Variants in NUCKS1 observed in about 807,000 individuals in gnomAD.
NUCKS1 encodes the protein nuclear casein kinase and cyclin dependent kinase substrate 1, also known as nuclear ubiquitous casein and cyclin-dependent kinase substrate 1.
In NUCKS1, 2 loss-of-function variants were observed where a neutral mutation model predicts 33.0. The observed-to-expected ratio is 0.06, with a 90% CI of 0.02 to 0.19. The LOEUF is 0.19. Ranked by LOEUF, NUCKS1 falls within the 10% of genes least tolerant of loss-of-function variation. The pLI is 1.00. For synonymous variants in NUCKS1, 106 were observed against 102.8 expected, an observed-to-expected ratio of 1.03 and a Z score of -0.19; for missense variants, 201 against 293.6, an observed-to-expected ratio of 0.68 and a Z score of 2.31.
intron 3 of NUCKS1, among the ~76,000 whole-genome samples, chr1:205,724,361 T>A (rs942354557): frequency 1.3e-5 from 2 of 152,132 alleles, no homozygotes; most frequent in African/African-American, 2.4e-5. Flanking sequence ...GATCACTAAA[T>A]ATACACAAGA....
intron 1 of NUCKS1, among the ~76,000 whole-genome samples, chr1:205,735,037 T>C (rs565588058): frequency 3.8e-4 from 58 of 152,340 alleles, no homozygotes; most frequent in Middle Eastern, 3.4e-3. Flanking sequence ...GATGAATTTG[T>C]TCCTAATGAG....
rs967770307 is a variant in NUCKS1, at chr1:205,718,220, CTTTT to C, written c.*56_*59del. 6.8e-7 allele frequency: 1 copy of C among 1,475,546 alleles called. No homozygotes were observed. Among genetic ancestry groups the C allele is most frequent in the Non-Finnish European group, 9.1e-7 (1 of 1,104,754 alleles). The allele number at this position is 1,475,546 out of a possible 1,614,324, so 91.4% of individuals were successfully genotyped here. A position where few individuals can be genotyped will look rare whatever the true frequency, so the allele number is the denominator to read the frequency against. On this transcript the variant is annotated 3_prime_UTR_variant, in exon 7 of 7. Transcript: ENST00000367142. ...AAGTAGGTTCTTTTTTTTCCTCCCTCTTTTTTCTTTTTTTTTCTTTTTTTTTTTA... is the reference window on the plus strand; with the variant it reads ...AAGTAGGTTCTTTTTTTTCCTCCCTCTTCTTTTTTTTTCTTTTTTTTTTTA...
Position 205,714,703 on chromosome 1 carries a change from G to C in NUCKS1, c.*3577C>G, listed in dbSNP as rs1425179280. 1 of 152,036 alleles carries C rather than the reference G, an allele frequency of 6.6e-6. No individual in the cohort carries two copies. The highest frequency in any genetic ancestry group is 1.9e-4 in the East Asian group (1 of 5,194). 9.4% of individuals were successfully genotyped at this position (152,036 alleles called of 1,614,324 possible). On this transcript the variant is annotated 3_prime_UTR_variant, in exon 7 of 7. Coordinates refer to ENST00000367142, the MANE Select transcript of NUCKS1 (RefSeq NM_022731.5). Reference sequence around the variant, plus strand: ...GAAACAGACAATTTTCTAACCTCAAGAGCAACCAGCTTGTTACATTTTCCC... The same window carrying C: ...GAAACAGACAATTTTCTAACCTCAACAGCAACCAGCTTGTTACATTTTCCC...
chr1:205,740,356 C>T (rs1571586008), intron 1 of NUCKS1, among the ~76,000 whole-genome samples: 3 of 152,082 alleles, frequency 2.0e-5, no homozygotes. Flanking sequence ...TGGTAGCTCA[C>T]GCCTGTAATC....
chr1:205,725,246 T>G (rs745420628), intron 3 of NUCKS1, among the ~76,000 whole-genome samples: 15 of 152,196 alleles, frequency 9.9e-5, no homozygotes, highest in Non-Finnish European at 1.9e-4. Flanking sequence ...TATTCTTCAA[T>G]GCTACAATTT....
At chr1:205,734,670 G>C (rs986271804) in intron 1 of NUCKS1, among the ~76,000 whole-genome samples, 1 of 152,168 alleles carries the variant, frequency 6.6e-6, no homozygotes, top group African/African-American at 2.4e-5. Context: ...AAGGTGGGTG[G>C]ATCACCTGAA....
intron 3 of NUCKS1, 192 bp from the exon 4 acceptor site, chr1:205,724,173 G>A (rs754756567): frequency 2.4e-5 from 15 of 613,268 alleles, no homozygotes; most frequent in African/African-American, 9.3e-5. Flanking sequence ...TTTTATTTAC[G>A]TTACAAAACA....
chr1:205,718,338 G>A lies in NUCKS1; in HGVS notation c.674C>T (p.Pro225Leu), dbSNP rs201477504. The change falls in exon 7 of 7, where the codon CCA (proline) becomes CTA (leucine). Residue 225 changes from proline to leucine, a missense_variant. Transcript: ENST00000367142. ...PPEKKTSTSPPPEKSGDEGSE... is the reference protein window; with the variant it reads ...PPEKKTSTSPLPEKSGDEGSE... ...CCCTTCATCCCCAGATTTCTCGGGTGGGGGGCTTGTAGATGTTTTCTTTTC... is the reference window on the plus strand; with the variant it reads ...CCCTTCATCCCCAGATTTCTCGGGTAGGGGGCTTGTAGATGTTTTCTTTTC... 9 of 1,613,430 alleles carry A rather than the reference G, an allele frequency of 5.6e-6. No homozygotes were observed. Among genetic ancestry groups the A allele is most frequent in the South Asian group, 1.1e-5 (1 of 91,038 alleles).
intron 3 of NUCKS1, among the ~76,000 whole-genome samples, chr1:205,724,948 G>GT (rs1653700318): frequency 6.6e-6 from 1 of 152,158 alleles, no homozygotes; most frequent in Non-Finnish European, 1.5e-5. Context: ...TCAATGGAAA[G>GT]TTTTTAAAAA....
intron 1 of NUCKS1, among the ~76,000 whole-genome samples, chr1:205,744,630 G>GTTTTTTTTTTTTTTT (rs10672842): frequency 8.0e-5 from 7 of 87,764 alleles, no homozygotes; most frequent in East Asian, 4.1e-4. Context: ...GTTCACTAGA[G>GTTTTTTTTTTTTTTT]TTTTTTTTTT....
intron 1 of NUCKS1, among the ~76,000 whole-genome samples, chr1:205,736,495 A>C (rs1654037939): frequency 6.6e-6 from 1 of 151,766 alleles, no homozygotes; most frequent in Admixed American, 6.6e-5. Flanking sequence ...ATGACTGAGA[A>C]CTTCTCATGA....
intron 2 of NUCKS1, among the ~76,000 whole-genome samples, chr1:205,729,301 G>T (rs1011799117): frequency 6.6e-6 from 1 of 152,106 alleles, no homozygotes; most frequent in African/African-American, 2.4e-5. Context: ...AATGAACACT[G>T]TATCAGAATT....
chr1:205,745,388 C>G (rs1454568437), intron 1 of NUCKS1, among the ~76,000 whole-genome samples: 1 of 152,066 alleles, frequency 6.6e-6, no homozygotes, highest in Non-Finnish European at 1.5e-5. Flanking sequence ...ACCTGAAAGG[C>G]TGAGGTGGGA....
At chr1:205,739,997 G>GT (rs60866378) in intron 1 of NUCKS1, among the ~76,000 whole-genome samples, 1,539 of 81,672 alleles carry the variant, frequency 0.019, 142 homozygotes, top group African/African-American at 0.059. Flanking sequence ...TTTACTTTAG[G>GT]TTTTTTTTTT....
Position 205,750,015 on chromosome 1 carries a change from A to AGGGCGGGGGGGGGGGGGGGGGGGGGGGGG in NUCKS1, c.-43_-42insCCCCCCCCCCCCCCCCCCCCCCCCCGCCC. On this transcript the variant is annotated 5_prime_UTR_variant, in exon 1 of 7. Coordinates refer to ENST00000367142, the MANE Select transcript of NUCKS1 (RefSeq NM_022731.5). Reference sequence around the variant, plus strand: ...GGACCGAGTCGAGAAGCCAAAGACCAGGACCCCCCCCACCCCGCGCGCTCG... The same window carrying AGGGCGGGGGGGGGGGGGGGGGGGGGGGGG: ...GGACCGAGTCGAGAAGCCAAAGACCAGGGCGGGGGGGGGGGGGGGGGGGGGGGGGGGACCCCCCCCACCCCGCGCGCTCG... The AGGGCGGGGGGGGGGGGGGGGGGGGGGGGG allele has an allele frequency of 6.6e-7, 1 of 1,506,282 alleles. No individual in the cohort carries two copies. Among genetic ancestry groups the AGGGCGGGGGGGGGGGGGGGGGGGGGGGGG allele is most frequent in the Non-Finnish European group, 9.0e-7 (1 of 1,114,426 alleles). 93.3% of individuals were successfully genotyped at this position (1,506,282 alleles called of 1,614,324 possible). A position where few individuals can be genotyped will look rare whatever the true frequency, so the allele number is the denominator to read the frequency against.
At chr1:205,747,243 G>A (rs1435544937) in intron 1 of NUCKS1, among the ~76,000 whole-genome samples, 3 of 152,164 alleles carry the variant, frequency 2.0e-5, no homozygotes, top group Non-Finnish European at 2.9e-5. Flanking sequence ...AGTTCGTGAT[G>A]CAAGGCACCT....
Position 205,750,136 on chromosome 1 carries a change from T to C in NUCKS1, c.-163A>G. ...ACTCCGCTGCTCTTTGGTTCAGGGC[T>C]CCTGGAACAGACGAGCCCCCCGCTC... On this transcript the variant is annotated 5_prime_UTR_variant, in exon 1 of 7. Coordinates refer to ENST00000367142, the MANE Select transcript of NUCKS1 (RefSeq NM_022731.5). 4.3e-6 allele frequency: 3 copies of C among 689,690 alleles called. No homozygotes were observed. Among genetic ancestry groups the C allele is most frequent in the Non-Finnish European group, 5.0e-6 (2 of 401,260 alleles). 42.7% of individuals were successfully genotyped at this position (689,690 alleles called of 1,614,324 possible).
chr1:205,749,393 G>T (rs375448969), intron 1 of NUCKS1, among the ~76,000 whole-genome samples: 1 of 152,200 alleles, frequency 6.6e-6, no homozygotes, highest in Non-Finnish European at 1.5e-5. Context: ...GGCCTGCAGC[G>T]ACCCCGAAGG....
In NUCKS1 at chr1:205,723,966, G is replaced by T; in HGVS notation, c.189C>A (p.Asp63Glu). 1.2e-6 allele frequency: 2 copies of T among 1,612,302 alleles called. No individual in the cohort carries two copies. Among genetic ancestry groups the T allele is most frequent in the Non-Finnish European group, 1.7e-6 (2 of 1,178,602 alleles). Residue 63 changes from aspartate (D) to glutamate (E), a missense_variant, in exon 4 of 7, where the codon GAC (aspartate) becomes GAA (glutamate). Physicochemically the swap from Asp to Glu is conservative, Grantham distance 45. Coordinates refer to ENST00000367142, the MANE Select transcript of NUCKS1 (RefSeq NM_022731.5). Reference protein sequence around the residue: ...NSQEDSEDSEDKDVKTKKDDS... With the variant: ...NSQEDSEDSEEKDVKTKKDDS... ...CATCCTTCTTGGTCTTCACATCTTT[G>T]TCTTCTGAGTCCTCACTATAAAGGG... is the stretch of plus-strand genomic sequence containing the variant.
Sources: gnomAD v4.1 joint callset for allele counts (sites outside exome capture counted in the v4.1 genomes callset) on GRCh38, gnomAD v4.1.1 for gene constraint, MANE v1.5 for transcripts, NCBI Gene and HGNC (gene_info 2026-07-23, HGNC 2026-07-21) for gene names.